PRKX: variants seen among roughly 807,000 people sequenced by gnomAD.
PRKX encodes protein kinase cAMP-dependent X-linked catalytic subunit.
Under a neutral mutation model 22.0 loss-of-function variants are expected in PRKX, and 12 were observed. The ratio of observed to expected loss-of-function variants is 0.54; its 90% CI spans 0.35 to 0.88. The LOEUF (loss-of-function observed/expected upper bound fraction) is 0.88, where lower values mean the gene tolerates loss of function less well. Among genes scored for constraint, PRKX ranks in the 40% least tolerant of loss-of-function variants. The probability of loss-of-function intolerance (pLI) is 0.01; values close to 1 mark genes in which losing one functional copy is unlikely to be tolerated. For missense variants in PRKX, 217 were observed against 308.0 expected (o/e 0.70, Z 2.21); for synonymous variants, 134 against 137.7 (o/e 0.97, Z 0.19).
intron 5 of PRKX, among the ~76,000 whole-genome samples, chrX:3,623,410 G>A (rs1926599161): frequency 1.8e-5 from 2 of 109,925 alleles, no homozygotes; most frequent in Admixed American, 9.8e-5. Context: ...CAAAACATTG[G>A]CCAGGCATGG....
intron 1 of PRKX, among the ~76,000 whole-genome samples, chrX:3,705,044 T>G (rs1381898851): frequency 8.9e-6 from 1 of 111,961 alleles, no homozygotes; most frequent in Non-Finnish European, 1.9e-5. Flanking sequence ...TGCCTTTCCA[T>G]GGACCCTGCC....
chrX:3,650,377 C>T (rs910804897), intron 3 of PRKX, among the ~76,000 whole-genome samples: 50 of 106,672 alleles, frequency 4.7e-4, no homozygotes, highest in Middle Eastern at 4.3e-3. Flanking sequence ...AAAAATTAGC[C>T]GGGCGTGGTG....
intron 3 of PRKX, among the ~76,000 whole-genome samples, chrX:3,653,121 C>T (rs1176758071): frequency 9.0e-6 from 1 of 111,279 alleles, no homozygotes; most frequent in African/African-American, 3.3e-5. Context: ...CGCCAAAATT[C>T]CTATGTTGAA....
intron 2 of PRKX, among the ~76,000 whole-genome samples, chrX:3,664,172 G>A (rs765552117): frequency 3.6e-5 from 4 of 111,837 alleles, no homozygotes; most frequent in Non-Finnish European, 7.5e-5. Flanking sequence ...GACCTCCTCC[G>A]CACCAGCAGC....
chrX:3,687,831 G>A (rs181260446), intron 1 of PRKX, among the ~76,000 whole-genome samples: 2 of 111,661 alleles, frequency 1.8e-5, no homozygotes, highest in East Asian at 5.7e-4. Flanking sequence ...AGAGGAGAGC[G>A]TCACAGTGGC....
intron 1 of PRKX, among the ~76,000 whole-genome samples, chrX:3,683,698 G>A (rs1928118410): frequency 9.0e-6 from 1 of 110,952 alleles, no homozygotes; most frequent in African/African-American, 3.3e-5. Context: ...AATTACCCAG[G>A]TGTGGTGGTG....
At chrX:3,622,152 A>G (rs1006481665) in intron 5 of PRKX, among the ~76,000 whole-genome samples, 7 of 109,616 alleles carry the variant, frequency 6.4e-5, no homozygotes, top group African/African-American at 2.3e-4. Flanking sequence ...TCAAAAAAAA[A>G]CAAAAACAAA....
intron 8 of PRKX, among the ~76,000 whole-genome samples, chrX:3,611,551 T>G: frequency 9.0e-6 from 1 of 111,123 alleles, no homozygotes; most frequent in Middle Eastern, 4.7e-3. Context: ...TAATAGATTT[T>G]CAAAGGCTCA....
At chrX:3,655,745 G>A (rs1489392679) in intron 2 of PRKX, among the ~76,000 whole-genome samples, 1 of 112,478 alleles carries the variant, frequency 8.9e-6, no homozygotes, top group Non-Finnish European at 1.9e-5. Flanking sequence ...TATGGATATA[G>A]ATATATGTTA....
chrX:3,703,869 T>C (rs6567589), intron 1 of PRKX, among the ~76,000 whole-genome samples: 52,736 of 107,441 alleles, frequency 0.49, 10,932 homozygotes, highest in African/African-American at 0.76. Context: ...AACGGGGTTT[T>C]GTCATGTTGG....
At chrX:3,654,168 CTATATAA>C (rs1191474605) in intron 3 of PRKX, among the ~76,000 whole-genome samples, 1 of 89,256 alleles carries the variant, frequency 1.1e-5, no homozygotes, top group Non-Finnish European at 2.1e-5. Context: ...TATAGGTATG[CTATATAA>C]TATATATTAT....
rs1303328218 is a variant in PRKX at position 3,607,346 on chromosome X, C to G, written c.*1623G>C. On this transcript the variant is annotated 3_prime_UTR_variant, in exon 9 of 9. Transcript: ENST00000262848. ...TCTGTGTCATTCCAATTTTAGTATA[C>G]CTGCTGCCGAAGTCAGCACCAGTTT... The G allele has an allele frequency of 9.0e-6, 1 of 111,601 alleles. No homozygotes were observed. The highest frequency in any genetic ancestry group is 2.8e-4 in the East Asian group (1 of 3,558). The allele number at this position is 111,601 out of a possible 1,213,427, so 9.2% of individuals were successfully genotyped here.
chrX:3,623,854 A>G (rs1021854382), intron 5 of PRKX, among the ~76,000 whole-genome samples: 1 of 111,826 alleles, frequency 8.9e-6, no homozygotes, highest in Non-Finnish European at 1.9e-5. Context: ...CCTCTACTGA[A>G]TTGGCAACAA....
intron 8 of PRKX, among the ~76,000 whole-genome samples, 195 bp downstream of exon 8, chrX:3,611,982 C>T (rs1359736304): frequency 2.7e-5 from 3 of 110,683 alleles, no homozygotes; most frequent in Admixed American, 9.7e-5. Context: ...ATGCCTCTGA[C>T]GGTCACATGC....
chrX:3,617,084 TAATA>T (rs1569229955), intron 6 of PRKX, among the ~76,000 whole-genome samples: 1 of 110,578 alleles, frequency 9.0e-6, no homozygotes, highest in East Asian at 2.8e-4. Context: ...ATACACACGT[TAATA>T]TATACATACT....
intron 2 of PRKX, among the ~76,000 whole-genome samples, chrX:3,660,086 A>G (rs756417461): frequency 1.2e-4 from 14 of 112,267 alleles, no homozygotes; most frequent in Admixed American, 1.9e-4. Flanking sequence ...GATTAAGCAC[A>G]TGGCATCTCA....
rs1460819100 is a variant in PRKX, at chrX:3,608,058, A to G, written c.*911T>C. On this transcript the variant is annotated 3_prime_UTR_variant, in exon 9 of 9. Coordinates refer to ENST00000262848, the MANE Select transcript of PRKX (RefSeq NM_005044.5). ...CACCATGCCCGGCTAATTTTTTTGT[A>G]TTTTGTAGAGATGAGGTCTCACCAC... The G allele has an allele frequency of 9.3e-6, 1 of 107,155 alleles. No individual in the cohort carries two copies. The highest frequency in any genetic ancestry group is 1.9e-5 in the Non-Finnish European group (1 of 51,943). The allele number at this position is 107,155 out of a possible 1,213,427, so 8.8% of individuals were successfully genotyped here.
chrX:3,625,119 A>T (rs1429239618), intron 5 of PRKX, among the ~76,000 whole-genome samples: 6 of 111,053 alleles, frequency 5.4e-5, no homozygotes, highest in Non-Finnish European at 1.1e-4. Flanking sequence ...CTTCTAGGCG[A>T]CTCATTGTTA....
rs938754283 is a variant in PRKX, at chrX:3,713,508, G to A, written c.-255C>T. The A allele has an allele frequency of 5.5e-5, 13 of 237,182 alleles. No individual in the cohort carries two copies. The Admixed American group carries it at 5.6e-4, about 10-fold the overall frequency. 19.5% of individuals were successfully genotyped at this position (237,182 alleles called of 1,213,427 possible). A position where few individuals can be genotyped will look rare whatever the true frequency, so the allele number is the denominator to read the frequency against. Reference sequence around the variant, plus strand: ...GCCTCGGGGGGCGGGCACCGAGTGCGGGACGACTGCGGGGAAGGCGGGGGC... The same window carrying A: ...GCCTCGGGGGGCGGGCACCGAGTGCAGGACGACTGCGGGGAAGGCGGGGGC... On this transcript the variant is annotated 5_prime_UTR_variant, in exon 1 of 9. Transcript: ENST00000262848.
Sources: allele counts gnomAD v4.1 joint callset (sites outside exome capture counted in the v4.1 genomes callset), GRCh38; gene constraint gnomAD v4.1.1; transcripts MANE v1.5; gene names NCBI Gene and HGNC (gene_info 2026-07-23, HGNC 2026-07-21).